The following DTX1 variants were observed in gnomAD, a reference collection of about 807,000 sequenced individuals.
DTX1 encodes deltex E3 ubiquitin ligase 1, also known as E3 ubiquitin-protein ligase DTX1.
In DTX1, 26 loss-of-function variants were observed where a neutral mutation model predicts 57.8. That is an observed-to-expected ratio of 0.45 (90% confidence interval 0.33 to 0.62). The LOEUF (loss-of-function observed/expected upper bound fraction) is 0.62. DTX1 is among the 20% of genes least tolerant of loss of function. The probability of loss-of-function intolerance (pLI) is 0.02; values close to 1 mark genes in which losing one functional copy is unlikely to be tolerated. For missense variants in DTX1, 704 were observed against 895.3 expected (o/e 0.79, Z 2.73); for synonymous variants, 398 against 394.1 (o/e 1.01, Z -0.12).
chr12:113,086,316 G>T lies in DTX1; in HGVS notation c.942-6846G>T, dbSNP rs373784076. ...GAAGAGCATTCCAACATGCCAGACAGCAGAACAGCATGTGCAAAGGCCCTG... is the reference window on the plus strand; with the variant it reads ...GAAGAGCATTCCAACATGCCAGACATCAGAACAGCATGTGCAAAGGCCCTG... On this transcript the variant is annotated intron_variant, in intron 3 of 9. Transcript: ENST00000548759. Among the ~76,000 whole-genome samples, 121 of 152,114 alleles carry T rather than the reference G, an allele frequency of 8.0e-4. 1 individual carries two copies. Among genetic ancestry groups the T allele is most frequent in the African/African-American group, 2.8e-3 (115 of 41,496 alleles).
chr12:113,057,069 G>C (rs2044629040), intron 1 of DTX1, 125 bp downstream of exon 1: 1 of 152,180 alleles, frequency 6.6e-6, no homozygotes, highest in African/African-American at 2.4e-5. Context: ...AGACGATCCA[G>C]CTCCTGGCTT....
intron 6 of DTX1, among the ~76,000 whole-genome samples, chr12:113,094,489 G>A (rs940057668): frequency 1.9e-4 from 29 of 152,102 alleles, no homozygotes; most frequent in African/African-American, 6.5e-4. Flanking sequence ...GAGGCAGGAG[G>A]ATCTCTTGAG....
chr12:113,069,337 C>T (rs879700867), intron 2 of DTX1, among the ~76,000 whole-genome samples: 1 of 152,146 alleles, frequency 6.6e-6, no homozygotes, highest in Non-Finnish European at 1.5e-5. Context: ...CAGCCCATGG[C>T]GTATGAGTGC....
At chr12:113,090,412 G>A (rs548300673) in intron 3 of DTX1, among the ~76,000 whole-genome samples, 6 of 152,262 alleles carry the variant, frequency 3.9e-5, no homozygotes, top group Admixed American at 6.5e-5. Context: ...GGGCCCCCCC[G>A]CAGGGTGCCC....
At position 113,097,943 on chromosome 12, in the gene DTX1, A is replaced by T. The variant is rs1950334428; in HGVS notation, c.*1004A>T. 6.5e-6 allele frequency: 1 copy of T among 152,682 alleles called. No homozygotes were observed. The highest frequency in any genetic ancestry group is 1.5e-5 in the Non-Finnish European group (1 of 68,066). 9.5% of individuals were successfully genotyped at this position (152,682 alleles called of 1,614,324 possible). A position where few individuals can be genotyped will look rare whatever the true frequency, so the allele number is the denominator to read the frequency against. On this transcript the variant is annotated 3_prime_UTR_variant, in exon 10 of 10. Coordinates refer to ENST00000548759, the MANE Select transcript of DTX1 (RefSeq NM_004416.3). ...TGGCTGCCACGGTGGGAGTCAGCCA[A>T]GATTTAAAGGGATGCCAGCGATTGC...
intron 3 of DTX1, among the ~76,000 whole-genome samples, chr12:113,084,677 G>C (rs2044842959): frequency 6.6e-6 from 1 of 152,222 alleles, no homozygotes; most frequent in South Asian, 2.1e-4. Flanking sequence ...GAACCACTGT[G>C]TCTGGCCATT....
intron 2 of DTX1, among the ~76,000 whole-genome samples, chr12:113,074,922 T>C (rs969648584): frequency 2.6e-5 from 4 of 152,024 alleles, no homozygotes; most frequent in African/African-American, 7.3e-5. Context: ...GGAATTGCTA[T>C]GTGAAGACTT....
intron 3 of DTX1, among the ~76,000 whole-genome samples, chr12:113,086,313 A>G (rs1375168855): frequency 6.6e-6 from 1 of 151,792 alleles, no homozygotes; most frequent in Non-Finnish European, 1.5e-5. Flanking sequence ...AACATGCCAG[A>G]CAGCAGAACA....
In DTX1 at chr12:113,058,123, C is replaced by T; in HGVS notation, c.-70C>T. 3 of 1,481,372 alleles carry T rather than the reference C, an allele frequency of 2.0e-6. No homozygotes were observed. Among genetic ancestry groups the T allele is most frequent in the Non-Finnish European group, 2.7e-6 (3 of 1,116,992 alleles). 91.8% of individuals were successfully genotyped at this position (1,481,372 alleles called of 1,614,324 possible). A position where few individuals can be genotyped will look rare whatever the true frequency, so the allele number is the denominator to read the frequency against. Reference sequence around the variant, plus strand: ...CCCCTGGGGAGAGAGGAAGTTGCCGCCTGCTGCCAGGCCCAGGAGGAGCTG... The same window carrying T: ...CCCCTGGGGAGAGAGGAAGTTGCCGTCTGCTGCCAGGCCCAGGAGGAGCTG... On this transcript the variant is annotated 5_prime_UTR_variant, in exon 2 of 10. Transcript: ENST00000548759.
In DTX1 at chr12:113,097,493, A is replaced by G. The variant is rs1950319827; in HGVS notation, c.*554A>G. The G allele has an allele frequency of 6.6e-6, 1 of 152,550 alleles. No homozygotes were observed. Among genetic ancestry groups the G allele is most frequent in the Non-Finnish European group, 1.5e-5 (1 of 68,364 alleles). The allele number at this position is 152,550 out of a possible 1,614,324, so 9.4% of individuals were successfully genotyped here. On this transcript the variant is annotated 3_prime_UTR_variant, in exon 10 of 10. Coordinates refer to ENST00000548759, the MANE Select transcript of DTX1 (RefSeq NM_004416.3). ...ATGTCTGCCACCCACTGATTGGGCA[A>G]TTGTGGGCCCATGGGGTGGAAGCCC...
At chr12:113,080,316 T>A (rs900487796) in intron 3 of DTX1, among the ~76,000 whole-genome samples, 1 of 152,104 alleles carries the variant, frequency 6.6e-6, no homozygotes, top group African/African-American at 2.4e-5. Flanking sequence ...GAAGTATCAG[T>A]TATGGCCCCT....
chr12:113,071,536 G>A lies in DTX1; in HGVS notation c.260-5888G>A, dbSNP rs2044738183. On this transcript the variant is annotated intron_variant, in intron 2 of 9. Transcript: ENST00000548759. The stretch of plus-strand genomic sequence containing the variant: ...GCCCTGAAGGCCAGAGTGGGGTGTG[G>A]TCTGCTCTGGGCCACCAGCCTGAGG... Among the ~76,000 whole-genome samples the A allele has an allele frequency of 7.2e-5, 11 of 152,362 alleles. 1 individual carries two copies. The South Asian group carries it at 2.3e-3, about 32-fold the overall frequency.
In DTX1 at chr12:113,057,956, G is replaced by A; in HGVS notation, c.-237G>A. ...GCATAAGAGAGACACTTGCTTTCCA[G>A]GGCAGCACCCTTTATCGGAGAAGGC... On this transcript the variant is annotated 5_prime_UTR_variant, in exon 2 of 10. Transcript: ENST00000548759. 1 of 631,390 alleles carries A rather than the reference G, an allele frequency of 1.6e-6. No homozygotes were observed. Among genetic ancestry groups the A allele is most frequent in the Non-Finnish European group, 2.6e-6 (1 of 378,408 alleles). 39.1% of individuals were successfully genotyped at this position (631,390 alleles called of 1,614,324 possible). A position where few individuals can be genotyped will look rare whatever the true frequency, so the allele number is the denominator to read the frequency against.
rs397775312 is a variant in DTX1, at chr12:113,093,046, G to GAA, written c.942-116_942-115insAA. ...TGGAGGTAACTGCAGTTGGCAGAGAGGTACAAAGAGGCCAGGGTGTGTGGC... is the reference window on the plus strand; with the variant it reads ...TGGAGGTAACTGCAGTTGGCAGAGAGAAGTACAAAGAGGCCAGGGTGTGTGGC... On this transcript the variant is annotated intron_variant, in intron 3 of 9. Coordinates refer to ENST00000548759, the MANE Select transcript of DTX1 (RefSeq NM_004416.3). The surrounding 1 kb of genome is among the most constrained non-coding windows in gnomAD (Gnocchi z 4.2). The GAA allele has an allele frequency of 1.8e-5, 18 of 990,078 alleles. No individual in the cohort carries two copies. The highest frequency in any genetic ancestry group is 2.6e-5 in the Non-Finnish European group (17 of 660,174). 61.3% of individuals were successfully genotyped at this position (990,078 alleles called of 1,614,324 possible). A position where few individuals can be genotyped will look rare whatever the true frequency, so the allele number is the denominator to read the frequency against.
In DTX1 at chr12:113,077,672, C is replaced by T; in HGVS notation, c.508C>T (p.Arg170Cys). 6.4e-7 allele frequency: 1 copy of T among 1,571,746 alleles called. No homozygotes were observed. Among genetic ancestry groups the T allele is most frequent in the Non-Finnish European group, 8.6e-7 (1 of 1,163,130 alleles). ...CCAGACGCGCCGGCGCCGCCGCCTGCGCCGCCGCCTGGACCTCGCCTACCC... is the reference window on the plus strand; with the variant it reads ...CCAGACGCGCCGGCGCCGCCGCCTGTGCCGCCGCCTGGACCTCGCCTACCC... ...NRQTRRRRRL[R>C]RRLDLAYPLT... The change falls in exon 3 of 10, where the codon CGC becomes TGC. Residue 170 changes from arginine to cysteine, a missense_variant. By Grantham distance (180) the Arg-to-Cys change is radical (BLOSUM62 -3). This residue lies in a region of DTX1 where 237 missense variants were observed against 328.6 expected (regional missense o/e 0.72). Transcript: ENST00000548759. This position sits in a 1 kb window ranked among gnomAD's most constrained non-coding sequence, Gnocchi z 7.8.
intron 2 of DTX1, among the ~76,000 whole-genome samples, chr12:113,073,819 G>A (rs1363661920): frequency 6.6e-6 from 1 of 152,252 alleles, no homozygotes; most frequent in Non-Finnish European, 1.5e-5. Flanking sequence ...CCTACTGTGT[G>A]CAGGTACTGT....
chr12:113,078,168 G>A, intron 3 of DTX1, 63 bp downstream of exon 3: 1 of 1,234,796 alleles, frequency 8.1e-7, no homozygotes, highest in Non-Finnish European at 1.0e-6. Context: ...GAAGCCCGGG[G>A]GTGGTTGGCC....
Position 113,094,909 on chromosome 12 carries a change from C to T in DTX1, c.1348C>T (p.Leu450=). Residue 450 remains leucine, a synonymous_variant, in exon 7 of 10, where the codon CTG becomes TTG. Coordinates refer to ENST00000548759, the MANE Select transcript of DTX1 (RefSeq NM_004416.3). The part of the protein sequence containing the change: ...RLGRCGHMYH[L]LCLVAMYSNG... ...GGGCCGCTGTGGCCACATGTACCAC[C>T]TGCTGTGCCTCGTGGCCATGTACTC... The T allele has an allele frequency of 6.2e-7, 1 of 1,613,720 alleles. No individual in the cohort carries two copies. Among genetic ancestry groups the T allele is most frequent in the Non-Finnish European group, 8.5e-7 (1 of 1,179,956 alleles).
In DTX1 at chr12:113,057,983, C is replaced by T; in HGVS notation, c.-210C>T. ...GCAGCACCCTTTATCGGAGAAGGCT[C>T]TACAGGGAAGGGGTCTTTGCAGCCT... On this transcript the variant is annotated 5_prime_UTR_variant, in exon 2 of 10. Transcript: ENST00000548759. 2 of 726,894 alleles carry T rather than the reference C, an allele frequency of 2.8e-6. No individual in the cohort carries two copies. The highest frequency in any genetic ancestry group is 3.1e-5 in the Admixed American group (1 of 32,590). 45.0% of individuals were successfully genotyped at this position (726,894 alleles called of 1,614,324 possible).
Sources: allele counts gnomAD v4.1 joint callset (sites outside exome capture counted in the v4.1 genomes callset), GRCh38; gene constraint gnomAD v4.1.1; regional missense constraint gnomAD v4.1.1; non-coding constraint Gnocchi (gnomAD v3.1); transcripts MANE v1.5; gene names NCBI Gene and HGNC (gene_info 2026-07-23, HGNC 2026-07-21).